The following COX4I1 variants were observed in gnomAD, a reference collection of about 807,000 sequenced individuals.
COX4I1 encodes the protein cytochrome c oxidase subunit 4I1.
Under a neutral mutation model 21.7 loss-of-function variants are expected in COX4I1, and 18 were observed. The observed-to-expected ratio is 0.83, with a 90% confidence interval of 0.57 to 1.23. The LOEUF (loss-of-function observed/expected upper bound fraction) is 1.23. Ranked by LOEUF, COX4I1 falls within the 50% of genes most tolerant of loss-of-function variation. COX4I1 has a pLI of 0.00. For synonymous variants in COX4I1, 100 were observed against 81.5 expected (o/e 1.23, Z -1.23); for missense variants, 238 against 220.7 (o/e 1.08, Z -0.50).
In COX4I1 at chr16:85,805,770, G is replaced by A; in HGVS notation, c.279G>A (p.Met93Ile). 1 of 1,614,262 alleles carries A rather than the reference G, an allele frequency of 6.2e-7. No individual in the cohort carries two copies. The highest frequency in any genetic ancestry group is 8.5e-7 in the Non-Finnish European group (1 of 1,180,050). Residue 93 changes from methionine to isoleucine, a missense_variant, in exon 4 of 5, where the codon ATG becomes ATA. Physicochemically the swap from Met to Ile is conservative, Grantham distance 10. Coordinates refer to ENST00000253452, the MANE Select transcript of COX4I1 (RefSeq NM_001861.6). ...AGTTCAAGGAGAGCTTTGCTGAGATGAACAGGGGCTCGAACGAGTGGAAGA... is the reference window on the plus strand; with the variant it reads ...AGTTCAAGGAGAGCTTTGCTGAGATAAACAGGGGCTCGAACGAGTGGAAGA... ...RIKFKESFAEMNRGSNEWKTV... is the reference protein window; with the variant it reads ...RIKFKESFAEINRGSNEWKTV...
intron 2 of COX4I1, 116 bp downstream of exon 2, chr16:85,801,394 T>C (rs1905746670): frequency 2.7e-6 from 2 of 747,642 alleles, no homozygotes; most frequent in Non-Finnish European, 4.5e-6. Flanking sequence ...TGAGGGTCTT[T>C]AGGGGAGATA....
intron 2 of COX4I1, among the ~76,000 whole-genome samples, chr16:85,801,566 C>T (rs540170877): frequency 3.5e-4 from 53 of 152,266 alleles, no homozygotes; most frequent in African/African-American, 1.1e-3. Context: ...ATCTTCTGCA[C>T]CATAACTGAC....
In COX4I1 at chr16:85,804,879, C is replaced by G; in HGVS notation, c.74-58C>G. On this transcript the variant is annotated intron_variant, in intron 2 of 4. Coordinates refer to ENST00000253452, the MANE Select transcript of COX4I1 (RefSeq NM_001861.6). ...GTGTTTCGGTTTTCAGAAGTATCAC[C>G]TTGGGGTGACTCTCAACTTACATGG... 2.0e-6 allele frequency: 3 copies of G among 1,514,082 alleles called. No homozygotes were observed. The South Asian group carries it at 3.8e-5, about 19-fold the overall frequency. The allele number at this position is 1,514,082 out of a possible 1,614,324, so 93.8% of individuals were successfully genotyped here. A position where few individuals can be genotyped will look rare whatever the true frequency, so the allele number is the denominator to read the frequency against.
intron 1 of COX4I1, 146 bp from the exon 2 acceptor site, chr16:85,801,059 G>C: frequency 1.7e-6 from 1 of 591,678 alleles, no homozygotes; most frequent in South Asian, 2.4e-5. Flanking sequence ...GTCATTTTGT[G>C]AATTCAGAGA....
chr16:85,807,062 C>A lies in COX4I1; in HGVS notation c.*188C>A. The stretch of plus-strand genomic sequence containing the variant: ...GAAAGCTAATTAAAACAATAGGTTT[C>A]TCCCAAGGGTCTGGAGTAAATATAT... On this transcript the variant is annotated 3_prime_UTR_variant, in exon 5 of 5. Coordinates refer to ENST00000253452, the MANE Select transcript of COX4I1 (RefSeq NM_001861.6). 1.6e-6 allele frequency: 1 copy of A among 630,200 alleles called. No homozygotes were observed. Among genetic ancestry groups the A allele is most frequent in the East Asian group, 2.9e-5 (1 of 34,496 alleles). 39.0% of individuals were successfully genotyped at this position (630,200 alleles called of 1,614,324 possible). A position where few individuals can be genotyped will look rare whatever the true frequency, so the allele number is the denominator to read the frequency against.
chr16:85,800,095 A>G (rs1032148267), intron 1 of COX4I1, among the ~76,000 whole-genome samples: 5 of 152,056 alleles, frequency 3.3e-5, no homozygotes, highest in Admixed American at 6.5e-5. Context: ...TGCTCCTTCA[A>G]AAGGTCCCTG....
At position 85,803,879 on chromosome 16, in the gene COX4I1, G is replaced by C. The variant is rs374047107; in HGVS notation, c.74-1058G>C. The C allele has an allele frequency of 5.9e-5, 9 of 152,368 alleles. No individual in the cohort carries two copies. The East Asian group carries it at 1.7e-3, about 29-fold the overall frequency. 9.4% of individuals were successfully genotyped at this position (152,368 alleles called of 1,614,324 possible). A position where few individuals can be genotyped will look rare whatever the true frequency, so the allele number is the denominator to read the frequency against. On this transcript the variant is annotated intron_variant, in intron 2 of 4. Transcript: ENST00000253452. ...TCCTGTGGACGTTGCCCCTTGTTTC[G>C]TGCCATCCACACATTCCTGATGCCC...
At chr16:85,801,024 A>G (rs1442075527) in intron 1 of COX4I1, among the ~76,000 whole-genome samples, 181 bp from the exon 2 acceptor site, 6 of 152,338 alleles carry the variant, frequency 3.9e-5, no homozygotes, top group Admixed American at 2.6e-4. Context: ...AAGCATGCCA[A>G]TTACTAAGAA....
intron 4 of COX4I1, chr16:85,806,331 TC>T: frequency 1.6e-6 from 1 of 628,524 alleles, no homozygotes; most frequent in Admixed American, 2.6e-5. Context: ...TAATGACTCT[TC>T]CCCGAGGTTC....
intron 4 of COX4I1, chr16:85,806,526 A>G (rs1194498871): frequency 2.7e-6 from 2 of 743,114 alleles, no homozygotes; most frequent in Non-Finnish European, 4.7e-6. Flanking sequence ...CTTTTAGCTT[A>G]TTTTGTTGCT....
chr16:85,805,337 G>A lies in COX4I1; in HGVS notation c.241+233G>A, dbSNP rs548628187. ...GCCCCCTTCTCTGTGCTGAGTGGAG[G>A]TAGCCTCTCAGCATATCTGCTGGGT... On this transcript the variant is annotated intron_variant, in intron 3 of 4. Transcript: ENST00000253452. The A allele has an allele frequency of 5.3e-5, 29 of 546,966 alleles. No homozygotes were observed. In the African/African-American group the frequency reaches 5.4e-4, roughly 10 times the overall value. 33.9% of individuals were successfully genotyped at this position (546,966 alleles called of 1,614,324 possible).
chr16:85,800,959 A>C (rs1597214729), intron 1 of COX4I1, among the ~76,000 whole-genome samples: 1 of 152,170 alleles, frequency 6.6e-6, no homozygotes, highest in African/African-American at 2.4e-5. Context: ...ATGTTCTGTT[A>C]ATTACCTGAA....
chr16:85,800,257 C>T (rs180681071), intron 1 of COX4I1, among the ~76,000 whole-genome samples: 14 of 152,340 alleles, frequency 9.2e-5, no homozygotes, highest in Non-Finnish European at 1.3e-4. Context: ...TTATTCTGCC[C>T]CAAGGAGGGT....
chr16:85,800,044 G>A (rs1450369125), intron 1 of COX4I1, among the ~76,000 whole-genome samples: 1 of 150,948 alleles, frequency 6.6e-6, no homozygotes, highest in African/African-American at 2.5e-5. Flanking sequence ...CTCAGGCTGC[G>A]GGGAGGCGGG....
At chr16:85,803,796 T>A (rs1405091899) in intron 2 of COX4I1, 1 of 152,256 alleles carries the variant, frequency 6.6e-6, no homozygotes, top group African/African-American at 2.4e-5. Context: ...ATACTGCCCG[T>A]GCTCTGTGAC....
At chr16:85,802,016 C>A (rs905902792) in intron 2 of COX4I1, among the ~76,000 whole-genome samples, 5 of 152,154 alleles carry the variant, frequency 3.3e-5, no homozygotes, top group Non-Finnish European at 7.4e-5. Context: ...GGAGGAAACT[C>A]TCCAGGGTCT....
chr16:85,800,053 G>T (rs1597213558), intron 1 of COX4I1, among the ~76,000 whole-genome samples: 1 of 150,954 alleles, frequency 6.6e-6, no homozygotes, highest in Admixed American at 6.6e-5. Context: ...CGGGGAGGCG[G>T]GCCCGCGCTC....
chr16:85,804,879 C>T, intron 2 of COX4I1, 58 bp from the exon 3 acceptor site: 4 of 1,514,082 alleles, frequency 2.6e-6, no homozygotes, highest in African/African-American at 1.4e-5. Context: ...GAAGTATCAC[C>T]TTGGGGTGAC....
At chr16:85,800,795 T>C (rs1298465700) in intron 1 of COX4I1, among the ~76,000 whole-genome samples, 2 of 152,118 alleles carry the variant, frequency 1.3e-5, no homozygotes, top group Admixed American at 6.6e-5. Flanking sequence ...GGCTAATTTT[T>C]GTATTGTTAG....
Sources: allele counts gnomAD v4.1 joint callset (sites outside exome capture counted in the v4.1 genomes callset), GRCh38; gene constraint gnomAD v4.1.1; transcripts MANE v1.5; gene names NCBI Gene and HGNC (gene_info 2026-07-23, HGNC 2026-07-21).